Variants in NPY2R observed in about 807,000 individuals in gnomAD.
NPY2R encodes neuropeptide Y receptor Y2.
In NPY2R, 17 loss-of-function variants were observed where a neutral mutation model predicts 22.3. The observed-to-expected ratio is 0.76, with a 90% confidence interval of 0.52 to 1.14. NPY2R has a LOEUF of 1.14. Among genes scored for constraint, NPY2R ranks in the 50% most tolerant of loss-of-function variants. NPY2R has a pLI of 0.00. For missense variants in NPY2R, 424 were observed against 467.9 expected, an observed-to-expected ratio of 0.91 and a Z score of 0.87; for synonymous variants, 209 against 183.4, an observed-to-expected ratio of 1.14 and a Z score of -1.13.
chr4:155,190,657 A>G, the NPY2R span, among the ~76,000 whole-genome samples: 2 of 152,042 alleles, frequency 1.3e-5, no homozygotes, highest in African/African-American at 4.8e-5. Context: ...GGATAAAATC[A>G]TGATAATTAC....
the NPY2R span, among the ~76,000 whole-genome samples, chr4:155,202,896 G>T: frequency 1.3e-5 from 2 of 151,902 alleles, no homozygotes; most frequent in Non-Finnish European, 2.9e-5. Flanking sequence ...TTTAGCCATG[G>T]GTCTTCTGTG....
chr4:155,177,590 G>A, the NPY2R span, among the ~76,000 whole-genome samples: 1 of 152,060 alleles, frequency 6.6e-6, no homozygotes, highest in African/African-American at 2.4e-5. Flanking sequence ...TTCTGGGAGT[G>A]CAGGCATAGC....
chr4:155,211,603 T>C (rs765484204), intron 1 of NPY2R, among the ~76,000 whole-genome samples: 8 of 152,114 alleles, frequency 5.3e-5, no homozygotes, highest in Non-Finnish European at 1.2e-4. Context: ...AGCAAATTAA[T>C]GAAAGCATAC....
chr4:155,211,529 G>T (rs1012870482), intron 1 of NPY2R, among the ~76,000 whole-genome samples: 2 of 152,226 alleles, frequency 1.3e-5, no homozygotes, highest in African/African-American at 4.8e-5. Flanking sequence ...TCAGGCTAAG[G>T]AGTTGGGATT....
At chr4:155,176,070 C>T in the NPY2R span, among the ~76,000 whole-genome samples, 2 of 152,288 alleles carry the variant, frequency 1.3e-5, no homozygotes, top group East Asian at 1.9e-4. Flanking sequence ...GGAAATAAAA[C>T]TTGTCCGATC....
chr4:155,204,234 G>A (rs922132504), upstream of NPY2R, among the ~76,000 whole-genome samples: 3 of 151,096 alleles, frequency 2.0e-5, no homozygotes, highest in African/African-American at 7.3e-5. Flanking sequence ...CTAGCTTTCT[G>A]GCAGAGTGAA....
the NPY2R span, among the ~76,000 whole-genome samples, chr4:155,195,497 A>G: frequency 3.3e-5 from 5 of 151,924 alleles, no homozygotes; most frequent in African/African-American, 1.2e-4. Flanking sequence ...CACAGTTAAG[A>G]AATATAGCCC....
the NPY2R span, among the ~76,000 whole-genome samples, chr4:155,187,994 A>C: frequency 6.6e-6 from 1 of 152,272 alleles, no homozygotes; most frequent in South Asian, 2.1e-4. Flanking sequence ...ACATTCTCCT[A>C]GATAATGCAA....
At chr4:155,212,325 T>C (rs1229357979) in intron 1 of NPY2R, among the ~76,000 whole-genome samples, 1 of 152,102 alleles carries the variant, frequency 6.6e-6, no homozygotes, top group Non-Finnish European at 1.5e-5. Flanking sequence ...AAATGAAACT[T>C]ATATTAAAAA....
chr4:155,200,153 AG>A, the NPY2R span, among the ~76,000 whole-genome samples: 9 of 152,206 alleles, frequency 5.9e-5, no homozygotes, highest in Admixed American at 5.9e-4. Flanking sequence ...CAAATTTATA[AG>A]AAAAAACAAA....
the NPY2R span, among the ~76,000 whole-genome samples, chr4:155,200,171 C>T: frequency 6.6e-6 from 1 of 151,992 alleles, no homozygotes; most frequent in Non-Finnish European, 1.5e-5. Context: ...CAAACAACCC[C>T]ATAAAGAAGT....
chr4:155,182,668 A>AT, the NPY2R span, among the ~76,000 whole-genome samples: 2 of 152,258 alleles, frequency 1.3e-5, no homozygotes, highest in East Asian at 1.9e-4. Context: ...AAAATAATAG[A>AT]TTTTGACCAA....
chr4:155,181,933 C>G, the NPY2R span, among the ~76,000 whole-genome samples: 4 of 152,092 alleles, frequency 2.6e-5, no homozygotes, highest in African/African-American at 9.7e-5. Context: ...AAAATGGGCT[C>G]TCTGAATTCA....
At chr4:155,199,636 C>T in the NPY2R span, among the ~76,000 whole-genome samples, 3 of 152,016 alleles carry the variant, frequency 2.0e-5, no homozygotes, top group Non-Finnish European at 2.9e-5. Context: ...TCTACAGCAA[C>T]CAAAATAGCA....
At chr4:155,197,728 G>A in the NPY2R span, among the ~76,000 whole-genome samples, 115 of 152,048 alleles carry the variant, frequency 7.6e-4, no homozygotes, top group African/African-American at 2.4e-3. Context: ...CTCCATAAGT[G>A]AGCAAAATAT....
chr4:155,177,743 C>A, the NPY2R span, among the ~76,000 whole-genome samples: 5 of 152,010 alleles, frequency 3.3e-5, no homozygotes, highest in Non-Finnish European at 7.4e-5. Flanking sequence ...AGCTTGTGCA[C>A]CCTACACACC....
chr4:155,194,463 A>G, the NPY2R span, among the ~76,000 whole-genome samples: 6 of 151,982 alleles, frequency 3.9e-5, no homozygotes, highest in South Asian at 8.3e-4. Context: ...TGTGTACTCA[A>G]TGCTTAGCTC....
At chr4:155,206,168 TG>T (rs1171001997), upstream of NPY2R, among the ~76,000 whole-genome samples, 25 of 152,232 alleles carry the variant, frequency 1.6e-4, no homozygotes, top group African/African-American at 6.0e-4. Flanking sequence ...CATCTGAGTT[TG>T]AGTCTGTTGT....
At chr4:155,185,061 A>T in the NPY2R span, among the ~76,000 whole-genome samples, 1 of 144,168 alleles carries the variant, frequency 6.9e-6, no homozygotes. Context: ...TTTTCCTGAG[A>T]TGGAGTCTCG....
Sources: allele counts gnomAD v4.1 joint callset (sites outside exome capture counted in the v4.1 genomes callset), GRCh38; gene constraint gnomAD v4.1.1; transcripts MANE v1.5; gene names NCBI Gene and HGNC (gene_info 2026-07-23, HGNC 2026-07-21).